Variants in STXBP5L observed in about 807,000 individuals in gnomAD.
STXBP5L encodes the protein syntaxin-binding protein 5-like.
Under a neutral mutation model 144.5 loss-of-function variants are expected in STXBP5L, and 65 were observed. That is an observed-to-expected ratio of 0.45 (90% confidence interval 0.37 to 0.55). The LOEUF is 0.55. Among genes scored for constraint, STXBP5L ranks in the 20% least tolerant of loss-of-function variants. The probability of loss-of-function intolerance (pLI) is 0.00; values close to 1 mark genes in which losing one functional copy is unlikely to be tolerated. For synonymous variants in STXBP5L, 505 were observed against 469.6 expected (o/e 1.08, Z -0.97); for missense variants, 1,298 against 1,405.5 (o/e 0.92, Z 1.22).
At chr3:121,392,207 C>T (rs2046606286) in intron 22 of STXBP5L, among the ~76,000 whole-genome samples, 1 of 152,164 alleles carries the variant, frequency 6.6e-6, no homozygotes, top group African/African-American at 2.4e-5. Context: ...ACCTGCCAAG[C>T]CAGGCATGGG....
chr3:121,092,679 A>G (rs949741452), intron 5 of STXBP5L, among the ~76,000 whole-genome samples: 7 of 152,186 alleles, frequency 4.6e-5, no homozygotes, highest in Non-Finnish European at 8.8e-5. Context: ...GGGCTGAGAC[A>G]GTGGGGTTTT....
intron 20 of STXBP5L, among the ~76,000 whole-genome samples, chr3:121,336,802 G>T (rs148324234): frequency 6.6e-6 from 1 of 152,024 alleles, no homozygotes; most frequent in Non-Finnish European, 1.5e-5. Context: ...ACACATGCAC[G>T]TGTGTATTCA....
At chr3:121,386,737 TC>T (rs1231551064) in intron 22 of STXBP5L, among the ~76,000 whole-genome samples, 1 of 152,214 alleles carries the variant, frequency 6.6e-6, no homozygotes, top group African/African-American at 2.4e-5. Flanking sequence ...CATGAACTCA[TC>T]CTTTTTTATG....
At chr3:121,348,136 G>T (rs1053043524) in intron 20 of STXBP5L, among the ~76,000 whole-genome samples, 25 of 151,862 alleles carry the variant, frequency 1.6e-4, no homozygotes, top group Non-Finnish European at 2.9e-5. Context: ...TGTCCCATCA[G>T]TACCTAATTA....
chr3:121,293,998 G>C (rs1357105654), intron 19 of STXBP5L, among the ~76,000 whole-genome samples: 1 of 152,230 alleles, frequency 6.6e-6, no homozygotes, highest in Non-Finnish European at 1.5e-5. Context: ...TTTTGTTGTA[G>C]AGATGAGTAA....
chr3:121,149,728 T>G (rs1422412918), intron 7 of STXBP5L, among the ~76,000 whole-genome samples: 1 of 151,948 alleles, frequency 6.6e-6, no homozygotes, highest in Non-Finnish European at 1.5e-5. Flanking sequence ...TAACTAGGTA[T>G]AAAATTAACA....
chr3:121,090,277 C>T (rs2042713606), intron 5 of STXBP5L, among the ~76,000 whole-genome samples: 1 of 152,048 alleles, frequency 6.6e-6, no homozygotes, highest in Non-Finnish European at 1.5e-5. Flanking sequence ...AGTTCAGGTG[C>T]TCCATTTAAA....
At chr3:121,202,348 G>A (rs1184727700) in intron 9 of STXBP5L, among the ~76,000 whole-genome samples, 1 of 151,642 alleles carries the variant, frequency 6.6e-6, no homozygotes, top group Admixed American at 6.6e-5. Flanking sequence ...TCTTTTTCTT[G>A]TTATTGGCAA....
intron 5 of STXBP5L, among the ~76,000 whole-genome samples, chr3:121,093,213 G>T (rs1046602489): frequency 1.1e-4 from 16 of 152,176 alleles, no homozygotes; most frequent in Non-Finnish European, 1.9e-4. Context: ...TGTTCATCAA[G>T]GACATTGGTC....
chr3:121,379,155 C>A (rs1282694326), intron 21 of STXBP5L, among the ~76,000 whole-genome samples: 1 of 152,100 alleles, frequency 6.6e-6, no homozygotes, highest in Admixed American at 6.6e-5. Flanking sequence ...AAATCTGTTC[C>A]CTACCCTTCC....
chr3:121,115,648 C>G (rs1461504829), intron 6 of STXBP5L, among the ~76,000 whole-genome samples: 1 of 152,062 alleles, frequency 6.6e-6, no homozygotes, highest in Non-Finnish European at 1.5e-5. Context: ...TTTTGCATTG[C>G]TATAAAGGAA....
rs1490631386 is a variant in STXBP5L, at chr3:121,047,784, T to C, written c.470+2249T>C. On this transcript the variant is annotated intron_variant, in intron 5 of 26. Coordinates refer to ENST00000471454, the MANE Select transcript of STXBP5L (RefSeq NM_001308330.2). ...CTCTTGAAGACAGCATACCATTCAG[T>C]CCTGCTTCTTTATACAGCTTGCCAC... Among the ~76,000 whole-genome samples, 5 of 152,302 alleles carry C rather than the reference T, an allele frequency of 3.3e-5. No individual in the cohort carries two copies. The East Asian group carries it at 9.7e-4, about 29-fold the overall frequency.
intron 3 of STXBP5L, among the ~76,000 whole-genome samples, chr3:120,999,471 C>T (rs1438498770): frequency 2.6e-5 from 4 of 152,190 alleles, no homozygotes; most frequent in African/African-American, 4.8e-5. Flanking sequence ...TGTCATTACA[C>T]GTGACATTGG....
At chr3:120,936,805 T>G (rs562042285) in intron 2 of STXBP5L, among the ~76,000 whole-genome samples, 1 of 152,188 alleles carries the variant, frequency 6.6e-6, no homozygotes, top group East Asian at 1.9e-4. Flanking sequence ...CCTCCCAAAG[T>G]GCTGGGATTA....
intron 20 of STXBP5L, among the ~76,000 whole-genome samples, chr3:121,340,134 C>T (rs1187484750): frequency 6.6e-6 from 1 of 152,058 alleles, no homozygotes; most frequent in African/African-American, 2.4e-5. Flanking sequence ...GGAGGCATCG[C>T]ATTACCTGAC....
chr3:121,255,509 ATTC>A (rs1002082132), intron 16 of STXBP5L, among the ~76,000 whole-genome samples: 2 of 151,972 alleles, frequency 1.3e-5, no homozygotes, highest in African/African-American at 4.8e-5. Context: ...ACACCTATAT[ATTC>A]TTCTATATAT....
chr3:120,961,102 G>C (rs1309549741), intron 3 of STXBP5L, among the ~76,000 whole-genome samples: 1 of 151,610 alleles, frequency 6.6e-6, no homozygotes, highest in African/African-American at 2.4e-5. Context: ...TTTAAAATTT[G>C]TTGGTGCATA....
intron 3 of STXBP5L, among the ~76,000 whole-genome samples, chr3:120,963,760 T>G (rs1353803738): frequency 6.6e-6 from 1 of 152,190 alleles, no homozygotes; most frequent in African/African-American, 2.4e-5. Context: ...CTGCCAGGCT[T>G]TTGTATCGGG....
intron 4 of STXBP5L, among the ~76,000 whole-genome samples, 159 bp downstream of exon 4, chr3:121,041,940 T>C (rs1298397676): frequency 6.6e-6 from 1 of 152,180 alleles, no homozygotes; most frequent in Non-Finnish European, 1.5e-5. Flanking sequence ...TACTCCTGTA[T>C]TGGTTAATTT....
Sources: allele counts gnomAD v4.1 joint callset (sites outside exome capture counted in the v4.1 genomes callset), GRCh38; gene constraint gnomAD v4.1.1; transcripts MANE v1.5; gene names NCBI Gene and HGNC (gene_info 2026-07-23, HGNC 2026-07-21).